Variants in INTS9 observed in about 807,000 individuals in gnomAD.
INTS9 encodes protein related to CPSF subunits of 74 kDa.
A neutral mutation model predicts 79.7 loss-of-function variants in INTS9; 55 were observed. The observed-to-expected ratio is 0.69, with a 90% CI of 0.56 to 0.86. The LOEUF (loss-of-function observed/expected upper bound fraction) is 0.86, where lower values mean the gene tolerates loss of function less well. INTS9 is among the 40% of genes least tolerant of loss of function. The pLI, the probability that INTS9 is intolerant of heterozygous loss-of-function variation, is 0.00. For synonymous variants in INTS9, 319 were observed against 325.2 expected (o/e 0.98, Z 0.20); for missense variants, 721 against 831.5 (o/e 0.87, Z 1.64).
chr8:28,860,302 A>C (rs1178918758), intron 1 of INTS9, among the ~76,000 whole-genome samples: 4 of 152,220 alleles, frequency 2.6e-5, no homozygotes, highest in African/African-American at 9.6e-5. Flanking sequence ...GATCTGCCAC[A>C]CTGAAAATAT....
chr8:28,807,941 T>G (rs1804900349), intron 8 of INTS9, among the ~76,000 whole-genome samples: 1 of 152,168 alleles, frequency 6.6e-6, no homozygotes, highest in Non-Finnish European at 1.5e-5. Context: ...CAAGATAATA[T>G]CAATAGATTA....
intron 4 of INTS9, among the ~76,000 whole-genome samples, chr8:28,838,997 C>A (rs1806994384): frequency 6.6e-6 from 1 of 152,164 alleles, no homozygotes; most frequent in South Asian, 2.1e-4. Context: ...AAGTGAGACA[C>A]CATGGTTCAG....
intron 13 of INTS9, among the ~76,000 whole-genome samples, chr8:28,776,948 T>G (rs1194015622): frequency 2.0e-5 from 3 of 152,222 alleles, no homozygotes; most frequent in Non-Finnish European, 4.4e-5. Flanking sequence ...CGAATCACTG[T>G]AGACAGGCCC....
chr8:28,878,727 C>T (rs1223172216), intron 1 of INTS9, among the ~76,000 whole-genome samples: 1 of 151,566 alleles, frequency 6.6e-6, no homozygotes, highest in Non-Finnish European at 1.5e-5. Context: ...CCTATAATCC[C>T]AGCACTTTGG....
At chr8:28,828,646 T>C (rs1806288623) in intron 6 of INTS9, among the ~76,000 whole-genome samples, 1 of 152,110 alleles carries the variant, frequency 6.6e-6, no homozygotes, top group Non-Finnish European at 1.5e-5. Context: ...CCTGTATGCA[T>C]ACCCAAGGAG....
chr8:28,813,785 A>C, intron 6 of INTS9, 173 bp from the exon 7 acceptor site: 1 of 665,134 alleles, frequency 1.5e-6, no homozygotes, highest in Non-Finnish European at 2.4e-6. Flanking sequence ...TTTTTGAGAC[A>C]GAGTCTCACT....
At chr8:28,778,594 G>A (rs1803046264) in intron 12 of INTS9, among the ~76,000 whole-genome samples, 1 of 150,234 alleles carries the variant, frequency 6.7e-6, no homozygotes, top group African/African-American at 2.5e-5. Flanking sequence ...CCTCAGACCG[G>A]GAAGAGTCCT....
At chr8:28,848,034 A>C (rs548785980) in intron 3 of INTS9, among the ~76,000 whole-genome samples, 1 of 152,356 alleles carries the variant, frequency 6.6e-6, no homozygotes, top group African/African-American at 2.4e-5. Context: ...GCAAAGTCTG[A>C]GAGATATGGG....
At chr8:28,776,748 G>A (rs779884615) in intron 13 of INTS9, among the ~76,000 whole-genome samples, 2 of 152,136 alleles carry the variant, frequency 1.3e-5, no homozygotes, top group Non-Finnish European at 2.9e-5. Flanking sequence ...CATGCCACAG[G>A]TGCAGTCTGA....
rs891032165 is a variant in INTS9, at chr8:28,793,886, C to T, written c.958G>A (p.Gly320Arg). 8 of 1,613,928 alleles carry T rather than the reference C, an allele frequency of 5.0e-6. No homozygotes were observed. Among genetic ancestry groups the T allele is most frequent in the Admixed American group, 1.7e-5 (1 of 60,000 alleles). The change falls in exon 10 of 17, where the codon GGG becomes AGG. Residue 320 changes from glycine to arginine, a missense_variant. Gly to Arg is a moderately radical substitution (Grantham distance 125). Transcript: ENST00000521022. ...AAGTAGAGGGGGACGCTGGAAAGCC[C>T]GGCTGAGTCGATGTACTGATATAGG... Reference protein sequence around the residue: ...ECLYQYIDSAGLSSVPLYFIS... With the variant: ...ECLYQYIDSARLSSVPLYFIS...
chr8:28,864,896 G>A (rs1808652153), intron 1 of INTS9, among the ~76,000 whole-genome samples: 1 of 150,346 alleles, frequency 6.7e-6, no homozygotes, highest in Non-Finnish European at 1.5e-5. Context: ...TGAGGCAGGA[G>A]AATAGCTTAA....
intron 16 of INTS9, 119 bp downstream of exon 16, chr8:28,769,770 G>A (rs1277760791): frequency 2.3e-6 from 3 of 1,324,876 alleles, no homozygotes; most frequent in Admixed American, 4.1e-5. Flanking sequence ...AGATGCCACA[G>A]GACAGTGGGG....
chr8:28,780,553 C>T (rs555191387), intron 12 of INTS9: 113 of 985,378 alleles, frequency 1.1e-4, no homozygotes, highest in African/African-American at 9.4e-4. Flanking sequence ...AAATGGCTTA[C>T]GATATCCTAG....
chr8:28,855,475 C>A (rs1419158880), intron 2 of INTS9, among the ~76,000 whole-genome samples: 1 of 152,184 alleles, frequency 6.6e-6, no homozygotes, highest in Non-Finnish European at 1.5e-5. Context: ...GGTATTCCTA[C>A]CAAAAACAGT....
At chr8:28,850,011 A>T (rs1807739680) in intron 3 of INTS9, 1 of 437,662 alleles carries the variant, frequency 2.3e-6, no homozygotes, top group Non-Finnish European at 4.1e-6. Context: ...AATGGATCTG[A>T]ATCAGAACAA....
intron 1 of INTS9, chr8:28,862,247 AAAATT>A (rs1312317594): frequency 2.9e-5 from 28 of 977,518 alleles, no homozygotes; most frequent in Non-Finnish European, 1.1e-5. Flanking sequence ...TTATGGAAAT[AAAATT>A]ATCTACAATC....
At chr8:28,818,003 T>C (rs1487220122) in intron 6 of INTS9, among the ~76,000 whole-genome samples, 4 of 147,814 alleles carry the variant, frequency 2.7e-5, no homozygotes, top group African/African-American at 7.6e-5. Context: ...ATTGATTTTG[T>C]ATCCTGAGAC....
intron 14 of INTS9, among the ~76,000 whole-genome samples, chr8:28,774,305 T>C (rs912031987): frequency 2.0e-5 from 3 of 152,250 alleles, no homozygotes; most frequent in African/African-American, 7.2e-5. Flanking sequence ...TATAATAGGT[T>C]TGTATTATTA....
At chr8:28,882,016 G>A (rs1424799821) in intron 1 of INTS9, among the ~76,000 whole-genome samples, 5 of 143,884 alleles carry the variant, frequency 3.5e-5, no homozygotes, top group Admixed American at 1.4e-4. Context: ...ATAGAAAGGC[G>A]GGAAGGGTGG....
Sources: gnomAD v4.1 joint callset for allele counts (sites outside exome capture counted in the v4.1 genomes callset) on GRCh38, gnomAD v4.1.1 for gene constraint, MANE v1.5 for transcripts, NCBI Gene and HGNC (gene_info 2026-07-23, HGNC 2026-07-21) for gene names.